The following IQCK variants were observed in gnomAD, a reference collection of about 807,000 sequenced individuals.
The protein encoded by IQCK is IQ motif containing K.
Under a neutral mutation model 28.1 loss-of-function variants are expected in IQCK, and 29 were observed. The observed-to-expected ratio is 1.03, with a 90% CI of 0.77 to 1.41. The LOEUF (loss-of-function observed/expected upper bound fraction) is 1.41. Ranked by LOEUF, IQCK falls within the 40% of genes most tolerant of loss-of-function variation. The probability of loss-of-function intolerance (pLI) is 0.00; values close to 1 mark genes in which losing one functional copy is unlikely to be tolerated. For missense variants in IQCK, 359 were observed against 314.7 expected, an observed-to-expected ratio of 1.14 and a Z score of -1.07; for synonymous variants, 113 against 115.1, an observed-to-expected ratio of 0.98 and a Z score of 0.12.
intron 7 of IQCK, among the ~76,000 whole-genome samples, chr16:19,808,087 C>T (rs565068650): frequency 1.1e-3 from 160 of 152,168 alleles, no homozygotes; most frequent in Non-Finnish European, 1.9e-3. Flanking sequence ...GCCTGGTTTC[C>T]ATGGTCTGTT....
intron 9 of IQCK, among the ~76,000 whole-genome samples, chr16:19,846,349 G>A (rs763218929): frequency 1.6e-4 from 25 of 152,088 alleles, no homozygotes; most frequent in Non-Finnish European, 3.1e-4. Context: ...TGATTTGGTG[G>A]CTTCCTTCCC....
At chr16:19,810,905 G>T (rs1215260602) in intron 7 of IQCK, among the ~76,000 whole-genome samples, 1 of 152,168 alleles carries the variant, frequency 6.6e-6, no homozygotes, top group Non-Finnish European at 1.5e-5. Context: ...TTAAAATAGT[G>T]CTGGCACTAT....
chr16:19,819,164 T>C (rs770430566), intron 7 of IQCK, among the ~76,000 whole-genome samples: 6 of 152,166 alleles, frequency 3.9e-5, no homozygotes, highest in Non-Finnish European at 7.4e-5. Context: ...TCTGGACCTA[T>C]CACGGTAGCT....
chr16:19,723,469 G>A (rs956867733), intron 1 of IQCK, among the ~76,000 whole-genome samples: 19 of 152,142 alleles, frequency 1.2e-4, no homozygotes, highest in African/African-American at 4.6e-4. Flanking sequence ...TCTCATTTAA[G>A]CCTCACAGCA....
At chr16:19,815,894 A>G (rs1276876981) in intron 7 of IQCK, among the ~76,000 whole-genome samples, 1 of 152,230 alleles carries the variant, frequency 6.6e-6, no homozygotes, top group Non-Finnish European at 1.5e-5. Flanking sequence ...TTATGTTGAA[A>G]TCTGCTTTTC....
exon 6 of IQCK, chr16:19,764,052 C>A: frequency 1.2e-6 from 2 of 1,613,962 alleles, no homozygotes; most frequent in Non-Finnish European, 1.7e-6. Flanking sequence ...CCAAAGAGGG[C>A]AGGGGAGCCA....
In IQCK at chr16:19,843,412, G is replaced by A. The variant is rs185017221; in HGVS notation, c.803-13075G>A. Among the ~76,000 whole-genome samples the A allele has an allele frequency of 2.0e-3, 307 of 152,232 alleles. 1 individual carries two copies. The highest frequency in any genetic ancestry group is 2.8e-3 in the Non-Finnish European group (192 of 68,030). ...CCCCAGACAACCACTAATCTACTCT[G>A]TCTCTTTATGGATTTGCCTGGTCTG... On this transcript the variant is annotated intron_variant, in intron 9 of 9. Transcript: ENST00000320394.
intron 1 of IQCK, among the ~76,000 whole-genome samples, chr16:19,722,252 G>A (rs940013094): frequency 3.9e-5 from 6 of 152,232 alleles, no homozygotes; most frequent in South Asian, 2.1e-4. Flanking sequence ...AGTCAGGAGT[G>A]GGGAGGGAGT....
intron 7 of IQCK, among the ~76,000 whole-genome samples, chr16:19,817,786 T>C (rs1253438905): frequency 6.6e-6 from 1 of 152,198 alleles, no homozygotes. Context: ...TCATTGTAAA[T>C]ATCCCAAACA....
At chr16:19,799,059 G>A (rs1192883098) in intron 7 of IQCK, among the ~76,000 whole-genome samples, 1 of 75,746 alleles carries the variant, frequency 1.3e-5, no homozygotes, top group Non-Finnish European at 2.1e-5. Flanking sequence ...ATGCATATAA[G>A]CTTTTTAAAA....
chr16:19,834,422 A>T (rs2056269737), intron 9 of IQCK, among the ~76,000 whole-genome samples: 1 of 152,220 alleles, frequency 6.6e-6, no homozygotes, highest in Non-Finnish European at 1.5e-5. Flanking sequence ...GGCTAGAGCC[A>T]TCCCAGGCCA....
intron 6 of IQCK, among the ~76,000 whole-genome samples, chr16:19,768,999 A>G (rs2055281261): frequency 6.6e-6 from 1 of 152,116 alleles, no homozygotes; most frequent in Non-Finnish European, 1.5e-5. Flanking sequence ...TGAGGGCCCA[A>G]CTGGGGCTGG....
Position 19,781,075 on chromosome 16 carries a change from C to T in IQCK, c.606-7763C>T, listed in dbSNP as rs544806840. Among the ~76,000 whole-genome samples, 8 of 152,250 alleles carry T rather than the reference C, an allele frequency of 5.3e-5. No individual in the cohort carries two copies. In the South Asian group the frequency reaches 1.7e-3, roughly 32 times the overall value. On this transcript the variant is annotated intron_variant, in intron 6 of 7. Transcript: ENST00000564186. ...GAGGTAGGTGGTCTGCTCTTCTGAA[C>T]ATCCCCCTTGCCTGGGCCCACCCTT...
At chr16:19,749,505 G>A (rs2054956921) in intron 4 of IQCK, among the ~76,000 whole-genome samples, 1 of 152,144 alleles carries the variant, frequency 6.6e-6, no homozygotes, top group Admixed American at 6.5e-5. Context: ...CACATATATA[G>A]CCTCAGGACT....
chr16:19,752,520 T>C (rs765097959), intron 4 of IQCK, among the ~76,000 whole-genome samples: 1 of 152,160 alleles, frequency 6.6e-6, no homozygotes, highest in African/African-American at 2.4e-5. Flanking sequence ...GAAAACCCCA[T>C]TCAAACTGTC....
chr16:19,744,616 G>A (rs1011154787), intron 4 of IQCK, among the ~76,000 whole-genome samples: 4 of 152,138 alleles, frequency 2.6e-5, no homozygotes, highest in Admixed American at 2.0e-4. Flanking sequence ...TTCATGATAC[G>A]AATTTAACAA....
chr16:19,733,103 C>T (rs1187977941), intron 2 of IQCK, among the ~76,000 whole-genome samples: 8 of 152,074 alleles, frequency 5.3e-5, no homozygotes, highest in African/African-American at 1.7e-4. Flanking sequence ...CAGCTTCCTC[C>T]TGTGACTGTT....
exon 10 of IQCK, chr16:19,857,224 G>A (rs2056573102): frequency 7.4e-6 from 2 of 270,026 alleles, no homozygotes; most frequent in Non-Finnish European, 1.4e-5. Context: ...GCCACAGACC[G>A]ACCCTCAAGG....
chr16:19,790,712 T>G (rs1423360291), intron 7 of IQCK, among the ~76,000 whole-genome samples: 1 of 109,632 alleles, frequency 9.1e-6, no homozygotes, highest in Admixed American at 7.9e-5. Context: ...GTTATTCCAT[T>G]CCTTTTGTAC....
Sources: allele counts gnomAD v4.1 joint callset (sites outside exome capture counted in the v4.1 genomes callset), GRCh38; gene constraint gnomAD v4.1.1; transcripts MANE v1.5; gene names NCBI Gene and HGNC (gene_info 2026-07-23, HGNC 2026-07-21).